FMN1: variants seen among roughly 807,000 people sequenced by gnomAD.
FMN1 encodes formin-1.
FMN1 carries 110 observed loss-of-function variants against 132.4 expected under a neutral mutation model. The observed-to-expected ratio is 0.83, with a 90% confidence interval of 0.71 to 0.97. The LOEUF is 0.97. Ranked by LOEUF, FMN1 falls within the 50% of genes least tolerant of loss-of-function variation. The pLI is 0.00. For missense variants in FMN1, 1,792 were observed against 1,705.3 expected (o/e 1.05, Z -0.90); for synonymous variants, 722 against 651.7 (o/e 1.11, Z -1.64).
rs1436570890 is a variant in FMN1 at position 33,153,373 on chromosome 15, G to A, written c.1542C>T (p.His514=). The change falls in exon 4 of 21, where the codon CAC becomes CAT. Residue 514 remains histidine, a synonymous_variant. Transcript: ENST00000616417. ...FNNSASQSST[H]KQTSPVPSPL... ...GCGAGGGAACAGGTGACGTCTGTTT[G>A]TGTGTGCTGGACTGCGAGGCTGAAT... 5 of 1,536,552 alleles carry A rather than the reference G, an allele frequency of 3.3e-6. No individual in the cohort carries two copies. Among genetic ancestry groups the A allele is most frequent in the Admixed American group, 3.9e-5 (2 of 51,010 alleles).
At chr15:32,790,756 C>T (rs1459569824) in intron 19 of FMN1, among the ~76,000 whole-genome samples, 1 of 152,178 alleles carries the variant, frequency 6.6e-6, no homozygotes, top group East Asian at 1.9e-4. Flanking sequence ...AACTCTTACA[C>T]CAGCCAAGAT....
chr15:33,104,303 T>C (rs1030021238), intron 4 of FMN1, among the ~76,000 whole-genome samples: 2 of 152,182 alleles, frequency 1.3e-5, no homozygotes, highest in Admixed American at 6.6e-5. Context: ...TGTTTTTACT[T>C]TGGGCTTAAA....
Position 32,939,774 on chromosome 15 carries a change from A to G in FMN1, c.3139-13513T>C, listed in dbSNP as rs539212520. Among the ~76,000 whole-genome samples, 4 of 152,268 alleles carry G rather than the reference A, an allele frequency of 2.6e-5. No homozygotes were observed. In the South Asian group the frequency reaches 6.2e-4, roughly 24 times the overall value. On this transcript the variant is annotated intron_variant, in intron 9 of 20. Transcript: ENST00000616417. ...TCAAATTCAACGAATCACACCTTCC[A>G]TATCTATATATTTATTTACTGAACG... is the stretch of plus-strand genomic sequence containing the variant.
chr15:32,970,869 C>T (rs2031726616), intron 7 of FMN1: 1 of 152,048 alleles, frequency 6.6e-6, no homozygotes, highest in Non-Finnish European at 1.5e-5. Flanking sequence ...AGAGCAAACC[C>T]CTAAAGGGCT....
chr15:32,835,594 G>C (rs1419906077), intron 17 of FMN1, among the ~76,000 whole-genome samples: 1 of 152,128 alleles, frequency 6.6e-6, no homozygotes, highest in Non-Finnish European at 1.5e-5. Context: ...TGATGGTTTG[G>C]AAGGGTTTGT....
chr15:32,823,443 T>A (rs60240038), intron 17 of FMN1, among the ~76,000 whole-genome samples: 1 of 151,886 alleles, frequency 6.6e-6, no homozygotes, highest in African/African-American at 2.4e-5. Context: ...GGATTACAGG[T>A]GTGAGCCACT....
intron 9 of FMN1, among the ~76,000 whole-genome samples, chr15:32,960,995 C>CAAAAAAAAAAAAAAAAAAAAA (rs539245532): frequency 3.4e-5 from 2 of 59,094 alleles, no homozygotes; most frequent in South Asian, 1.0e-3. Flanking sequence ...GACTCCGTCT[C>CAAAAAAAAAAAAAAAAAAAAA]AAAAAAAAAA....
chr15:32,840,930 G>A (rs1349980516), intron 17 of FMN1, among the ~76,000 whole-genome samples: 1 of 152,198 alleles, frequency 6.6e-6, no homozygotes, highest in African/African-American at 2.4e-5. Flanking sequence ...TTGAAAGATA[G>A]ACACAGGAGT....
chr15:32,980,034 T>C (rs2032526911), intron 7 of FMN1, among the ~76,000 whole-genome samples: 2 of 152,048 alleles, frequency 1.3e-5, no homozygotes, highest in Non-Finnish European at 2.9e-5. Context: ...GGTTTTACGT[T>C]ATAGGCAAAT....
chr15:33,091,434 G>A (rs1211488321), intron 4 of FMN1, among the ~76,000 whole-genome samples: 1 of 152,114 alleles, frequency 6.6e-6, no homozygotes, highest in Admixed American at 6.5e-5. Flanking sequence ...TTCTGGAAAT[G>A]GTTTTAGTTT....
rs776597105 is a variant in FMN1 at position 32,968,702 on chromosome 15, G to A, written c.2987+12C>T. On this transcript the variant is annotated intron_variant, in intron 8 of 20. Transcript: ENST00000616417. Reference sequence around the variant, plus strand: ...AATTCACATGCTGAGAATGGGATAGGGGAGAACTTACCTCCTATCACTTAT... The same window carrying A: ...AATTCACATGCTGAGAATGGGATAGAGGAGAACTTACCTCCTATCACTTAT... 6.2e-7 allele frequency: 1 copy of A among 1,613,194 alleles called. No individual in the cohort carries two copies. Among genetic ancestry groups the A allele is most frequent in the African/African-American group, 1.3e-5 (1 of 74,794 alleles).
At chr15:33,038,545 A>C (rs1229839571) in intron 6 of FMN1, among the ~76,000 whole-genome samples, 1 of 152,232 alleles carries the variant, frequency 6.6e-6, no homozygotes, top group Non-Finnish European at 1.5e-5. Flanking sequence ...TCATCAAAAG[A>C]ATTTTAATTT....
intron 17 of FMN1, among the ~76,000 whole-genome samples, chr15:32,815,556 C>A (rs760626704): frequency 6.6e-6 from 1 of 152,058 alleles, no homozygotes; most frequent in Middle Eastern, 3.2e-3. Flanking sequence ...TAAGAAATTA[C>A]CTCATATAAA....
In FMN1 at chr15:33,175,726, C is replaced by A. The variant is rs149788487; in HGVS notation, c.-132+4472G>T. 3.5e-4 allele frequency among the ~76,000 whole-genome samples: 53 copies of A among 152,280 alleles called. No homozygotes were observed. In the East Asian group the frequency reaches 9.1e-3, roughly 26 times the overall value. ...AAGCAGAGAAAACTGAAAAACAGCA[C>A]TCTTCCCATCCCACACACACACTTA... is the stretch of plus-strand genomic sequence containing the variant. On this transcript the variant is annotated intron_variant, in intron 3 of 20. Transcript: ENST00000616417.
At chr15:32,880,402 TATTA>T (rs1389438066) in intron 16 of FMN1, among the ~76,000 whole-genome samples, 1 of 152,202 alleles carries the variant, frequency 6.6e-6, no homozygotes, top group African/African-American at 2.4e-5. Flanking sequence ...ATATTAGATG[TATTA>T]ATTGTGTATT....
chr15:32,978,019 G>C (rs540916490), intron 7 of FMN1, among the ~76,000 whole-genome samples: 40 of 152,086 alleles, frequency 2.6e-4, no homozygotes, highest in Middle Eastern at 3.4e-3. Flanking sequence ...CCCACGCCCT[G>C]CTGATTTTTT....
intron 9 of FMN1, among the ~76,000 whole-genome samples, chr15:32,953,868 T>A (rs1338821186): frequency 6.6e-6 from 1 of 152,212 alleles, no homozygotes; most frequent in African/African-American, 2.4e-5. Flanking sequence ...TTGCAGTATA[T>A]CCCATGCCGC....
chr15:32,812,087 G>T (rs939431259), intron 17 of FMN1, among the ~76,000 whole-genome samples: 5 of 152,088 alleles, frequency 3.3e-5, no homozygotes, highest in Non-Finnish European at 7.4e-5. Flanking sequence ...GGCACCTGGG[G>T]CTGTTCTCAA....
At chr15:32,829,826 G>A (rs1262833634) in intron 17 of FMN1, among the ~76,000 whole-genome samples, 1 of 152,134 alleles carries the variant, frequency 6.6e-6, no homozygotes, top group African/African-American at 2.4e-5. Flanking sequence ...TATCTAGATA[G>A]AACTCTTCAA....
Sources: gnomAD v4.1 joint callset for allele counts (sites outside exome capture counted in the v4.1 genomes callset) on GRCh38, gnomAD v4.1.1 for gene constraint, MANE v1.5 for transcripts, NCBI Gene and HGNC (gene_info 2026-07-23, HGNC 2026-07-21) for gene names.